ITGB2: variants seen among roughly 807,000 people sequenced by gnomAD.
The protein encoded by ITGB2 is integrin beta-2.
Under a neutral mutation model 86.8 loss-of-function variants are expected in ITGB2, and 56 were observed. The ratio of observed to expected loss-of-function variants is 0.65; its 90% confidence interval spans 0.52 to 0.81. The LOEUF (loss-of-function observed/expected upper bound fraction) is 0.81. ITGB2 is among the 30% of genes least tolerant of loss of function. The pLI is 0.00. For synonymous variants in ITGB2, 457 were observed against 450.4 expected (o/e 1.01, Z -0.19); for missense variants, 948 against 1,061.2 (o/e 0.89, Z 1.48).
At chr21:44,910,906 G>T (rs2084122121) in intron 1 of ITGB2, 121 bp from the exon 2 acceptor site, 1 of 984,874 alleles carries the variant, frequency 1.0e-6, no homozygotes, top group Non-Finnish European at 1.5e-6. Context: ...GCTGCAGGGG[G>T]TGGGTTAGGG....
chr21:44,924,503 A>G (rs1399635246), upstream of ITGB2, among the ~76,000 whole-genome samples: 2 of 152,206 alleles, frequency 1.3e-5, no homozygotes, highest in African/African-American at 4.8e-5. Context: ...AGAGAATTTG[A>G]GGAACGTAAC....
chr21:44,895,928 T>C (rs1020520095), intron 8 of ITGB2, among the ~76,000 whole-genome samples: 1 of 151,624 alleles, frequency 6.6e-6, no homozygotes, highest in South Asian at 2.1e-4. Context: ...AAAAAATTAC[T>C]GTTGCATCAT....
intron 4 of ITGB2, among the ~76,000 whole-genome samples, chr21:44,905,830 T>C (rs1471961367): frequency 6.6e-6 from 1 of 152,058 alleles, no homozygotes; most frequent in Non-Finnish European, 1.5e-5. Context: ...CGGCTGCTGC[T>C]GGCTGTCACC....
chr21:44,893,393 G>A lies in ITGB2; in HGVS notation c.1224+11C>T. 1 of 1,613,494 alleles carries A rather than the reference G, an allele frequency of 6.2e-7. No homozygotes were observed. Among genetic ancestry groups the A allele is most frequent in the Non-Finnish European group, 8.5e-7 (1 of 1,179,712 alleles). On this transcript the variant is annotated intron_variant, in intron 10 of 15. Transcript: ENST00000652462. ...GCAAGCTGGGATGGGGACCCTTGTG[G>A]CCAGGCTCACCGGGACATTGATCTG...
intron 5 of ITGB2, among the ~76,000 whole-genome samples, chr21:44,902,295 A>G (rs947064971): frequency 2.0e-5 from 3 of 152,174 alleles, no homozygotes; most frequent in African/African-American, 7.2e-5. Context: ...GCACGTGTGT[A>G]TGACTGTGTG....
chr21:44,905,768 C>A (rs901582372), intron 4 of ITGB2, among the ~76,000 whole-genome samples: 1 of 152,162 alleles, frequency 6.6e-6, no homozygotes, highest in Non-Finnish European at 1.5e-5. Context: ...TCCTGCAGGA[C>A]CTCCCCAATG....
intron 1 of ITGB2, among the ~76,000 whole-genome samples, chr21:44,916,780 A>G (rs2084217509): frequency 6.6e-6 from 1 of 151,790 alleles, no homozygotes; most frequent in South Asian, 2.1e-4. Flanking sequence ...AGGCAGGAGA[A>G]TCACTTGAGC....
chr21:44,898,966 A>G, intron 8 of ITGB2, 101 bp downstream of exon 8: 1 of 957,944 alleles, frequency 1.0e-6, no homozygotes, highest in Non-Finnish European at 1.7e-6. Context: ...TCACGTGCCC[A>G]GCATGCAGAG....
chr21:44,893,762 T>C (rs983211915), intron 9 of ITGB2: 2 of 588,298 alleles, frequency 3.4e-6, no homozygotes, highest in African/African-American at 3.7e-5. Context: ...GGGACTAGCA[T>C]GGAGCCAGGG....
At chr21:44,927,861 C>T (rs1055704447) in intron 1 of ITGB2, 2 of 152,288 alleles carry the variant, frequency 1.3e-5, no homozygotes, top group African/African-American at 4.8e-5. Context: ...CAGATCCATA[C>T]AAACAGGCTG....
intron 8 of ITGB2, among the ~76,000 whole-genome samples, chr21:44,895,484 C>T (rs547979587): frequency 1.3e-4 from 20 of 152,142 alleles, no homozygotes; most frequent in African/African-American, 4.8e-4. Flanking sequence ...GAGCTGAGAT[C>T]GCACCACTGC....
intron 10 of ITGB2, 55 bp from the exon 11 acceptor site, chr21:44,892,051 C>T (rs2083793408): frequency 1.3e-6 from 2 of 1,562,860 alleles, no homozygotes; most frequent in African/African-American, 2.7e-5. Context: ...GGTGGCAGCC[C>T]AGCTCCCAAC....
At chr21:44,926,819 T>C (rs1369374263) in intron 1 of ITGB2, 1 of 152,304 alleles carries the variant, frequency 6.6e-6, no homozygotes, top group Non-Finnish European at 1.5e-5. Context: ...AACTACCTGC[T>C]GTCATCAGGG....
intron 14 of ITGB2, among the ~76,000 whole-genome samples, chr21:44,887,237 C>T (rs575984720): frequency 7.9e-5 from 12 of 152,322 alleles, no homozygotes; most frequent in South Asian, 2.1e-4. Flanking sequence ...CGCTCTCCTA[C>T]AGCAGAGTTC....
At position 44,888,782 on chromosome 21, in the gene ITGB2, T is replaced by A; in HGVS notation, c.1991A>T (p.Glu664Val). Residue 664 changes from glutamate (E) to valine (V), a missense_variant, in exon 14 of 16, where the codon GAG becomes GTG. Coordinates refer to ENST00000652462, the MANE Select transcript of ITGB2 (RefSeq NM_000211.5). The part of the protein sequence containing the change: ...NNPVKGRTCK[E>V]RDSEGCWVAY... ...CACCCAGCAGCCCTCTGAGTCCCTC[T>A]CCTTGCAGGTCCTGCCCTTCACGGG... 6.2e-7 allele frequency: 1 copy of A among 1,612,072 alleles called. No individual in the cohort carries two copies. Among genetic ancestry groups the A allele is most frequent in the Non-Finnish European group, 8.5e-7 (1 of 1,179,974 alleles).
intron 3 of ITGB2, among the ~76,000 whole-genome samples, chr21:44,909,095 C>T (rs1305885673): frequency 2.6e-5 from 4 of 152,326 alleles, no homozygotes; most frequent in African/African-American, 9.6e-5. Context: ...GTGATGGCGG[C>T]TTCAGGCGGG....
chr21:44,918,094 G>T (rs1057119029), intron 1 of ITGB2, among the ~76,000 whole-genome samples: 1 of 152,260 alleles, frequency 6.6e-6, no homozygotes, highest in African/African-American at 2.4e-5. Flanking sequence ...ATCACCCACA[G>T]CTCCATAATT....
intron 11 of ITGB2, among the ~76,000 whole-genome samples, 179 bp downstream of exon 11, chr21:44,891,630 C>G (rs993731238): frequency 6.6e-6 from 1 of 152,136 alleles, no homozygotes; most frequent in South Asian, 2.1e-4. Context: ...GAGGGCTTGC[C>G]GAGGGGTTCT....
At position 44,893,508 on chromosome 21, in the gene ITGB2, G is replaced by GT; in HGVS notation, c.1119_1120insA (p.Leu374ThrfsTer26). On this transcript the variant is annotated frameshift_variant, in exon 10 of 16. Coordinates refer to ENST00000652462, the MANE Select transcript of ITGB2 (RefSeq NM_000211.5). LOFTEE classifies it high-confidence loss of function. ...TAGGTGACTTTCAGGGTGTCGGGGA[G>GT]GGCGTTGTGATCCAGGAAGACCCTG... 6.2e-7 allele frequency: 1 copy of GT among 1,614,132 alleles called. No homozygotes were observed.
Sources: gnomAD v4.1 joint callset for allele counts (sites outside exome capture counted in the v4.1 genomes callset) on GRCh38, gnomAD v4.1.1 for gene constraint, MANE v1.5 for transcripts, NCBI Gene and HGNC (gene_info 2026-07-23, HGNC 2026-07-21) for gene names.